Variants in UGT1A10 observed in about 807,000 individuals in gnomAD.
The protein encoded by UGT1A10 is UDP-glucuronosyltransferase 1A10.
UGT1A10 carries 49 observed loss-of-function variants against 45.8 expected under a neutral mutation model. That is an observed-to-expected ratio of 1.07 (90% CI 0.85 to 1.36). The LOEUF (loss-of-function observed/expected upper bound fraction) is 1.36, where lower values mean the gene tolerates loss of function less well. Among genes scored for constraint, UGT1A10 ranks in the 40% most tolerant of loss-of-function variants. UGT1A10 has a pLI of 0.00. For missense variants in UGT1A10, 745 were observed against 668.6 expected (o/e 1.11, Z -1.26); for synonymous variants, 284 against 249.7 (o/e 1.14, Z -1.29).
chr2:233,730,435 C>G (rs1237158749), intron 1 of UGT1A10, among the ~76,000 whole-genome samples: 2 of 152,178 alleles, frequency 1.3e-5, no homozygotes, highest in African/African-American at 2.4e-5. Flanking sequence ...GTTGTCCCAT[C>G]TTGCAAATGA....
At chr2:233,675,250 C>T (rs757802955) in intron 1 of UGT1A10, among the ~76,000 whole-genome samples, 9 of 152,178 alleles carry the variant, frequency 5.9e-5, no homozygotes, top group Non-Finnish European at 1.0e-4. Context: ...AGGGGACAAA[C>T]TTCTAAACTA....
At chr2:233,641,259 C>G (rs1056573058) in intron 1 of UGT1A10, among the ~76,000 whole-genome samples, 1 of 152,174 alleles carries the variant, frequency 6.6e-6, no homozygotes, top group Non-Finnish European at 1.5e-5. Flanking sequence ...CATGCCACAC[C>G]AGTCTCAGAG....
chr2:233,705,359 T>C (rs1380936065), intron 1 of UGT1A10, among the ~76,000 whole-genome samples: 3 of 152,218 alleles, frequency 2.0e-5, no homozygotes, highest in Non-Finnish European at 4.4e-5. Flanking sequence ...TACATGGGGT[T>C]TTGCTTTTAT....
intron 1 of UGT1A10, among the ~76,000 whole-genome samples, chr2:233,722,696 T>G (rs1380432691): frequency 6.6e-6 from 1 of 152,188 alleles, no homozygotes; most frequent in African/African-American, 2.4e-5. Context: ...TTTCATTGCT[T>G]TTAGATAATT....
intron 1 of UGT1A10, among the ~76,000 whole-genome samples, chr2:233,677,710 C>A (rs2074397384): frequency 6.6e-6 from 1 of 152,048 alleles, no homozygotes; most frequent in Non-Finnish European, 1.5e-5. Context: ...GAAAAGGGAA[C>A]ACTTGTACCC....
At chr2:233,760,189 G>T in intron 1 of UGT1A10, 1 of 1,566,266 alleles carries the variant, frequency 6.4e-7, no homozygotes. Context: ...TTATAGTCAC[G>T]TGACACAGTC....
chr2:233,716,848 A>C (rs28898605), intron 1 of UGT1A10, among the ~76,000 whole-genome samples: 37 of 152,046 alleles, frequency 2.4e-4, no homozygotes, highest in African/African-American at 7.7e-4. Flanking sequence ...TTCAGCTACC[A>C]CATATGCTGA....
intron 1 of UGT1A10, among the ~76,000 whole-genome samples, chr2:233,673,777 A>G (rs2074265138): frequency 6.6e-6 from 1 of 152,116 alleles, no homozygotes; most frequent in Non-Finnish European, 1.5e-5. Context: ...TGTTTTTTGC[A>G]TATGTATCTT....
At chr2:233,684,175 T>A (rs1300963446) in intron 1 of UGT1A10, among the ~76,000 whole-genome samples, 2 of 152,194 alleles carry the variant, frequency 1.3e-5, no homozygotes, top group African/African-American at 2.4e-5. Flanking sequence ...TATTGGCAGA[T>A]GTTTGGTGAA....
chr2:233,751,532 C>A (rs1375355946), intron 1 of UGT1A10, among the ~76,000 whole-genome samples: 5 of 152,214 alleles, frequency 3.3e-5, no homozygotes, highest in Admixed American at 6.5e-5. Context: ...TATGGTTTGA[C>A]TCTGTGTTTC....
chr2:233,658,498 C>T (rs754117145), intron 1 of UGT1A10, among the ~76,000 whole-genome samples: 2 of 152,178 alleles, frequency 1.3e-5, no homozygotes, highest in African/African-American at 2.4e-5. Flanking sequence ...GCCCATCACG[C>T]CCCCTTCATC....
At chr2:233,747,138 G>A in intron 1 of UGT1A10, 1 of 1,552,384 alleles carries the variant, frequency 6.4e-7, no homozygotes. Context: ...CAGTGACAAG[G>A]TAATTAAGAT....
At chr2:233,738,868 CT>C (rs1348396739) in intron 1 of UGT1A10, 1 of 152,334 alleles carries the variant, frequency 6.6e-6, no homozygotes, top group South Asian at 2.1e-4. Flanking sequence ...GGGAAAATGG[CT>C]CCAGGGCATG....
intron 1 of UGT1A10, chr2:233,750,722 T>C (rs1694546738): frequency 6.6e-6 from 1 of 151,960 alleles, no homozygotes; most frequent in South Asian, 2.1e-4. Context: ...AGGCCATTGC[T>C]TCAGAGGGTG....
chr2:233,728,673 T>C (rs1429159158), intron 1 of UGT1A10, among the ~76,000 whole-genome samples: 1 of 152,152 alleles, frequency 6.6e-6, no homozygotes, highest in Non-Finnish European at 1.5e-5. Context: ...TACTCATACA[T>C]GAGAAGAAAG....
intron 1 of UGT1A10, among the ~76,000 whole-genome samples, chr2:233,642,167 C>G (rs749606828): frequency 2.5e-4 from 38 of 152,278 alleles, no homozygotes; most frequent in Admixed American, 2.2e-3. Context: ...AGGCTATTTT[C>G]TAGATCCTAT....
chr2:233,682,062 A>G lies in UGT1A10; in HGVS notation c.855+44685A>G, dbSNP rs754287322. 11 of 1,614,008 alleles carry G rather than the reference A, an allele frequency of 6.8e-6. No individual in the cohort carries two copies. In the African/African-American group the frequency reaches 1.1e-4, roughly 16 times the overall value. ...GATGGGAGCCACTGGTTCACCATGC[A>G]GTCGGTGGTGGAGAAACTCATCCTC... On this transcript the variant is annotated intron_variant, in intron 1 of 4. Transcript: ENST00000344644.
chr2:233,668,889 G>A (rs1322650212), intron 1 of UGT1A10, among the ~76,000 whole-genome samples: 2 of 152,200 alleles, frequency 1.3e-5, no homozygotes, highest in Admixed American at 6.5e-5. Flanking sequence ...CCTCTAGCCT[G>A]TGACAGTTTT....
At chr2:233,713,253 G>A (rs1357928110) in intron 1 of UGT1A10, 11 of 1,614,108 alleles carry the variant, frequency 6.8e-6, no homozygotes, top group Middle Eastern at 1.6e-4. Context: ...GACCCAGGAC[G>A]AATTTGATCG....
Sources: allele counts gnomAD v4.1 joint callset (sites outside exome capture counted in the v4.1 genomes callset), GRCh38; gene constraint gnomAD v4.1.1; transcripts MANE v1.5; gene names NCBI Gene and HGNC (gene_info 2026-07-23, HGNC 2026-07-21).